AHCY: variants seen among roughly 807,000 people sequenced by gnomAD.
AHCY encodes adenosylhomocysteinase.
Under a neutral mutation model 45.4 loss-of-function variants are expected in AHCY, and 24 were observed. The observed-to-expected ratio is 0.53, with a 90% CI of 0.38 to 0.74. AHCY has a LOEUF of 0.74. AHCY is among the 30% of genes least tolerant of loss of function. The probability of loss-of-function intolerance (pLI) is 0.00; values close to 1 mark genes in which losing one functional copy is unlikely to be tolerated. For missense variants in AHCY, 449 were observed against 594.1 expected, an observed-to-expected ratio of 0.76 and a Z score of 2.54; for synonymous variants, 245 against 235.1, an observed-to-expected ratio of 1.04 and a Z score of -0.39.
At chr20:34,304,905 C>G (rs2036876892), upstream of AHCY, among the ~76,000 whole-genome samples, 1 of 151,782 alleles carries the variant, frequency 6.6e-6, no homozygotes. Context: ...TCAGGCTAAT[C>G]TCGAACTCCC....
chr20:34,291,493 G>A lies in AHCY; in HGVS notation c.484C>T (p.His162Tyr), dbSNP rs756833799. The change falls in exon 5 of 10, where the codon CAC becomes TAC. Residue 162 changes from histidine to tyrosine, a missense_variant. Transcript: ENST00000217426. The part of the protein sequence containing the change: ...GISEETTTGV[H>Y]NLYKMMANGI... Reference sequence around the variant, plus strand: ...TTGGCCATCATCTTGTAGAGGTTGTGGACCCCAGTCGTGGTCTCCTCAGAG... The same window carrying A: ...TTGGCCATCATCTTGTAGAGGTTGTAGACCCCAGTCGTGGTCTCCTCAGAG... 3 of 1,614,162 alleles carry A rather than the reference G, an allele frequency of 1.9e-6. No homozygotes were observed. The highest frequency in any genetic ancestry group is 1.7e-5 in the Admixed American group (1 of 60,018).
At chr20:34,305,071 A>T (rs1321620990), upstream of AHCY, among the ~76,000 whole-genome samples, 4 of 149,872 alleles carry the variant, frequency 2.7e-5, no homozygotes, top group Non-Finnish European at 5.9e-5. Context: ...ATCCCAGCAC[A>T]TTGGGAGGCC....
At chr20:34,236,713 T>C in the AHCY span, among the ~76,000 whole-genome samples, 1 of 152,264 alleles carries the variant, frequency 6.6e-6, no homozygotes, top group East Asian at 1.9e-4. Context: ...CATTATATAA[T>C]GTGAATGTGA....
chr20:34,307,134 T>A (rs1335676368), upstream of AHCY, among the ~76,000 whole-genome samples: 1 of 118,794 alleles, frequency 8.4e-6, no homozygotes. Context: ...TTTTTTTTTT[T>A]TGAGACAGGG....
the AHCY span, among the ~76,000 whole-genome samples, chr20:34,239,471 C>A: frequency 6.6e-6 from 1 of 152,198 alleles, no homozygotes; most frequent in African/African-American, 2.4e-5. Context: ...CCCACCTCGG[C>A]CTCCCAATCA....
At chr20:34,302,321 G>C (rs1421201976) in intron 1 of AHCY, 1 of 154,412 alleles carries the variant, frequency 6.5e-6, no homozygotes. Context: ...AAAGTTACTT[G>C]AAAAGCTACC....
chr20:34,233,184 G>A, the AHCY span, among the ~76,000 whole-genome samples: 3 of 118,752 alleles, frequency 2.5e-5, no homozygotes, highest in South Asian at 7.9e-4. Flanking sequence ...GTCTCGCTCT[G>A]TTGCCCAGGC....
chr20:34,268,755 AAAC>A, the AHCY span, among the ~76,000 whole-genome samples: 3 of 147,166 alleles, frequency 2.0e-5, no homozygotes, highest in East Asian at 2.1e-4. Context: ...AAAAACAAAC[AAAC>A]AAAAAAAACA....
chr20:34,249,348 AT>A, the AHCY span, among the ~76,000 whole-genome samples: 17,387 of 150,240 alleles, frequency 0.12, 1,073 homozygotes, highest in South Asian at 0.19. Context: ...GAGATATCCG[AT>A]GCCCAGAGCC....
At chr20:34,270,966 CTT>C in the AHCY span, among the ~76,000 whole-genome samples, 1 of 144,896 alleles carries the variant, frequency 6.9e-6, no homozygotes, top group Non-Finnish European at 1.5e-5. Context: ...CCAGTTCTTG[CTT>C]TTGTTTGTTT....
intron 1 of AHCY, among the ~76,000 whole-genome samples, chr20:34,298,608 G>GT (rs1568810796): frequency 8.2e-6 from 1 of 122,302 alleles, no homozygotes; most frequent in Non-Finnish European, 1.7e-5. Context: ...GCGGCGGCGG[G>GT]AGGGGGGGGG....
chr20:34,262,903 G>A, the AHCY span: 6 of 1,613,736 alleles, frequency 3.7e-6, no homozygotes, highest in South Asian at 5.5e-5. Flanking sequence ...GGTAAGGGCA[G>A]GGAAGTTCTG....
chr20:34,248,378 T>C, the AHCY span, among the ~76,000 whole-genome samples: 1 of 152,184 alleles, frequency 6.6e-6, no homozygotes, highest in African/African-American at 2.4e-5. Flanking sequence ...TTTTAAGTTA[T>C]AAAAATCCCA....
the AHCY span, among the ~76,000 whole-genome samples, chr20:34,268,338 A>G: frequency 5.3e-5 from 8 of 152,186 alleles, no homozygotes; most frequent in African/African-American, 1.9e-4. Context: ...ACAGCGGGGC[A>G]GCGAAGTTAA....
the AHCY span, among the ~76,000 whole-genome samples, chr20:34,235,478 C>A: frequency 6.6e-6 from 1 of 151,596 alleles, no homozygotes; most frequent in Non-Finnish European, 1.5e-5. Context: ...TCACTGAAGG[C>A]AATGAGACTA....
At chr20:34,279,336 G>A (rs1259872369), downstream of AHCY, among the ~76,000 whole-genome samples, 1 of 151,486 alleles carries the variant, frequency 6.6e-6, no homozygotes, top group Non-Finnish European at 1.5e-5. Flanking sequence ...CAGAAGAATG[G>A]CATGAACCTG....
At chr20:34,245,779 A>G in the AHCY span, among the ~76,000 whole-genome samples, 1 of 152,034 alleles carries the variant, frequency 6.6e-6, no homozygotes, top group African/African-American at 2.4e-5. Context: ...TAAAAAAACA[A>G]GCAACCTTGT....
chr20:34,240,490 GT>G, the AHCY span, among the ~76,000 whole-genome samples: 1 of 152,198 alleles, frequency 6.6e-6, no homozygotes, highest in East Asian at 1.9e-4. Flanking sequence ...CAGCGTCATA[GT>G]TTTTGAGTCT....
Position 34,298,613 on chromosome 20 carries a change from G to GC in AHCY, c.29-3029_29-3028insG, listed in dbSNP as rs1476142562. On this transcript the variant is annotated intron_variant, in intron 1 of 9. Coordinates refer to ENST00000217426, the MANE Select transcript of AHCY (RefSeq NM_000687.4). ...CTGGGAAGTGGCGGCGGCGGGAGGG[G>GC]GGGGGGTGTCTCCCTTTCCCCAGGG... Among the ~76,000 whole-genome samples, 10 of 149,500 alleles carry GC rather than the reference G, an allele frequency of 6.7e-5. No homozygotes were observed. In the East Asian group the frequency reaches 2.0e-3, roughly 30 times the overall value.
Sources: allele counts gnomAD v4.1 joint callset (sites outside exome capture counted in the v4.1 genomes callset), GRCh38; gene constraint gnomAD v4.1.1; transcripts MANE v1.5; gene names NCBI Gene and HGNC (gene_info 2026-07-23, HGNC 2026-07-21).